RPS6KA5: variants seen among roughly 807,000 people sequenced by gnomAD.
RPS6KA5 encodes the protein ribosomal protein S6 kinase alpha-5.
A neutral mutation model predicts 85.5 loss-of-function variants in RPS6KA5; 27 were observed. The ratio of observed to expected loss-of-function variants is 0.32; its 90% CI spans 0.23 to 0.44. The LOEUF (loss-of-function observed/expected upper bound fraction) is 0.44, where lower values mean the gene tolerates loss of function less well. RPS6KA5 is among the 20% of genes least tolerant of loss of function. The pLI is 1.00. For missense variants in RPS6KA5, 811 were observed against 980.9 expected (o/e 0.83, Z 2.31); for synonymous variants, 334 against 348.2 (o/e 0.96, Z 0.46).
At chr14:90,972,911 T>C (rs1022945936) in intron 3 of RPS6KA5, among the ~76,000 whole-genome samples, 1 of 152,146 alleles carries the variant, frequency 6.6e-6, no homozygotes, top group African/African-American at 2.4e-5. Context: ...TACAAATAGA[T>C]AATTCTCAGA....
In RPS6KA5 at chr14:90,866,934, A is replaced by G. The variant is rs1252380848; in HGVS notation, c.*5140T>C. The G allele has an allele frequency of 6.6e-6, 1 of 152,252 alleles. No homozygotes were observed. Among genetic ancestry groups the G allele is most frequent in the Non-Finnish European group, 1.5e-5 (1 of 68,034 alleles). The allele number at this position is 152,252 out of a possible 1,614,324, so 9.4% of individuals were successfully genotyped here. ...ATTTCAGCAAATAGGATAGCAGTAT[A>G]GTACCTAAAATAAACTATTAGGAAT... On this transcript the variant is annotated 3_prime_UTR_variant, in exon 17 of 17. Transcript: ENST00000614987.
At chr14:90,999,186 C>T (rs914093677) in intron 2 of RPS6KA5, among the ~76,000 whole-genome samples, 1 of 151,784 alleles carries the variant, frequency 6.6e-6, no homozygotes, top group Non-Finnish European at 1.5e-5. Context: ...CCAGCCTGGG[C>T]GACACAGCTA....
At chr14:90,956,859 A>G (rs1468517666) in intron 3 of RPS6KA5, among the ~76,000 whole-genome samples, 1 of 151,916 alleles carries the variant, frequency 6.6e-6, no homozygotes, top group Non-Finnish European at 1.5e-5. Flanking sequence ...TGAAAACCTA[A>G]TATTACTATA....
At chr14:90,974,179 G>A (rs959063273) in intron 3 of RPS6KA5, among the ~76,000 whole-genome samples, 2 of 152,112 alleles carry the variant, frequency 1.3e-5, no homozygotes, top group South Asian at 2.1e-4. Context: ...GGGAAAAATC[G>A]GATAATAGGT....
At chr14:90,915,558 G>C (rs2036074419) in intron 7 of RPS6KA5, among the ~76,000 whole-genome samples, 2 of 152,176 alleles carry the variant, frequency 1.3e-5, no homozygotes, top group South Asian at 4.1e-4. Flanking sequence ...TGTAATCCCA[G>C]CACTTTGGGA....
At chr14:90,882,427 T>C (rs2140165378) in intron 14 of RPS6KA5, among the ~76,000 whole-genome samples, 1 of 152,386 alleles carries the variant, frequency 6.6e-6, no homozygotes, top group African/African-American at 2.4e-5. Context: ...ACAATAATGC[T>C]AGCTTTTTAC....
Position 90,920,477 on chromosome 14 carries a change from G to A in RPS6KA5, c.703-168C>T, listed in dbSNP as rs184335077. ...TTAACACATGCAAGAAAGACATTTA[G>A]AGAACAAATATCCAAGTATCCTCAG... On this transcript the variant is annotated intron_variant, in intron 6 of 16. Coordinates refer to ENST00000614987, the MANE Select transcript of RPS6KA5 (RefSeq NM_004755.4). Among the ~76,000 whole-genome samples, 45 of 152,186 alleles carry A rather than the reference G, an allele frequency of 3.0e-4. 1 individual carries two copies. The East Asian group carries it at 8.5e-3, about 29-fold the overall frequency.
At chr14:90,955,807 A>C (rs905366958) in intron 3 of RPS6KA5, among the ~76,000 whole-genome samples, 11 of 152,048 alleles carry the variant, frequency 7.2e-5, no homozygotes, top group African/African-American at 2.7e-4. Flanking sequence ...TGCATTATTG[A>C]GAATGGGATA....
At chr14:90,885,551 TCAAAAAAAAAAAAAAAAAAAAAA>T (rs1566690118) in intron 14 of RPS6KA5, among the ~76,000 whole-genome samples, 1 of 14,132 alleles carries the variant, frequency 7.1e-5, no homozygotes, top group Non-Finnish European at 1.1e-4. Flanking sequence ...AGACTCCGTC[TCAAAAAAAAAAAAAAAAAAAAAA>T]AAAAAAAAAA....
chr14:90,993,461 C>A (rs1300860607), intron 2 of RPS6KA5, among the ~76,000 whole-genome samples: 1 of 152,082 alleles, frequency 6.6e-6, no homozygotes, highest in Non-Finnish European at 1.5e-5. Context: ...CAAGACAGAG[C>A]AAGACTCCGT....
chr14:90,926,556 G>A (rs904662921), intron 5 of RPS6KA5, among the ~76,000 whole-genome samples: 2 of 151,920 alleles, frequency 1.3e-5, no homozygotes, highest in East Asian at 3.9e-4. Flanking sequence ...CAAGGGTGCT[G>A]TCTTATAATA....
chr14:90,872,325 G>T lies in RPS6KA5; in HGVS notation c.2161-3C>A. ...TCTCTCTTGTATTTGTTAAAGGCCT[G>T]GCGGGGGAAAAAAAGGGAACCCCTG... On this transcript the variant is annotated splice_region_variant and splice_polypyrimidine_tract_variant and intron_variant, in intron 16 of 16. Coordinates refer to ENST00000614987, the MANE Select transcript of RPS6KA5 (RefSeq NM_004755.4). The T allele has an allele frequency of 6.3e-7, 1 of 1,596,544 alleles. No individual in the cohort carries two copies. Among genetic ancestry groups the T allele is most frequent in the South Asian group, 1.1e-5 (1 of 88,450 alleles).
At chr14:90,964,091 G>A (rs1322231137) in intron 3 of RPS6KA5, among the ~76,000 whole-genome samples, 2 of 152,134 alleles carry the variant, frequency 1.3e-5, no homozygotes, top group Non-Finnish European at 2.9e-5. Context: ...GTAAAAAACG[G>A]ACTGGAAAGG....
intron 5 of RPS6KA5, among the ~76,000 whole-genome samples, chr14:90,934,467 T>C (rs1489692834): frequency 1.3e-5 from 2 of 152,194 alleles, no homozygotes; most frequent in African/African-American, 4.8e-5. Flanking sequence ...TTCTGAATCA[T>C]TTTCCTTTCT....
intron 1 of RPS6KA5, among the ~76,000 whole-genome samples, chr14:91,016,866 CAAAAA>C (rs34806962): frequency 7.7e-4 from 93 of 120,798 alleles, no homozygotes; most frequent in African/African-American, 2.8e-3. Context: ...TCTAAACAGG[CAAAAA>C]AAAAAAAAAA....
At chr14:90,939,023 GCT>G (rs1247285435) in intron 5 of RPS6KA5, among the ~76,000 whole-genome samples, 1 of 152,124 alleles carries the variant, frequency 6.6e-6, no homozygotes, top group Admixed American at 6.5e-5. Context: ...GAACTTTTAT[GCT>G]CTGTTTCTCT....
chr14:91,035,847 C>CAAAAAAA (rs199625173), intron 1 of RPS6KA5, among the ~76,000 whole-genome samples: 70 of 69,864 alleles, frequency 1.0e-3, no homozygotes, highest in Non-Finnish European at 1.2e-3. Flanking sequence ...CCCTCACCTT[C>CAAAAAAA]AAAAAAAAAA....
chr14:90,862,013 G>A lies in RPS6KA5; in HGVS notation c.*10061C>T, dbSNP rs1400446864. 1 of 151,872 alleles carries A rather than the reference G, an allele frequency of 6.6e-6. No individual in the cohort carries two copies. Among genetic ancestry groups the A allele is most frequent in the African/African-American group, 2.4e-5 (1 of 41,326 alleles). 9.4% of individuals were successfully genotyped at this position (151,872 alleles called of 1,614,324 possible). A position where few individuals can be genotyped will look rare whatever the true frequency, so the allele number is the denominator to read the frequency against. ...CAAAGATACAAGCTGTAATCTTTAA[G>A]GTACTAAATGAATTTCTAAAAATTA... is the stretch of plus-strand genomic sequence containing the variant. On this transcript the variant is annotated 3_prime_UTR_variant, in exon 17 of 17. Coordinates refer to ENST00000614987, the MANE Select transcript of RPS6KA5 (RefSeq NM_004755.4).
intron 1 of RPS6KA5, among the ~76,000 whole-genome samples, chr14:91,019,595 T>C (rs1410490342): frequency 6.6e-6 from 1 of 152,212 alleles, no homozygotes; most frequent in East Asian, 1.9e-4. Flanking sequence ...TTTTTATATT[T>C]ATACACACAC....
Sources: gnomAD v4.1 joint callset for allele counts (sites outside exome capture counted in the v4.1 genomes callset) on GRCh38, gnomAD v4.1.1 for gene constraint, MANE v1.5 for transcripts, NCBI Gene and HGNC (gene_info 2026-07-23, HGNC 2026-07-21) for gene names.